PDE3B: variants seen among roughly 807,000 people sequenced by gnomAD.
PDE3B encodes the protein phosphodiesterase 3B.
A neutral mutation model predicts 116.8 loss-of-function variants in PDE3B; 66 were observed. The ratio of observed to expected loss-of-function variants is 0.56; its 90% confidence interval spans 0.46 to 0.69. PDE3B has a LOEUF of 0.69. Ranked by LOEUF, PDE3B falls within the 30% of genes least tolerant of loss-of-function variation. The pLI is 0.00. For missense variants in PDE3B, 1,384 were observed against 1,368.1 expected (o/e 1.01, Z -0.18); for synonymous variants, 595 against 533.6 (o/e 1.12, Z -1.59).
intron 1 of PDE3B, among the ~76,000 whole-genome samples, chr11:14,721,902 G>A (rs1341354962): frequency 7.3e-6 from 1 of 136,580 alleles, no homozygotes; most frequent in African/African-American, 2.8e-5. Context: ...ATGTGCACAT[G>A]TACCCTAAAA....
chr11:14,868,850 A>T (rs574954656), intron 15 of PDE3B, among the ~76,000 whole-genome samples: 1 of 151,502 alleles, frequency 6.6e-6, no homozygotes, highest in African/African-American at 2.4e-5. Flanking sequence ...ATACTCCCCC[A>T]TCTCTACTAA....
At position 14,832,812 on chromosome 11, in the gene PDE3B, A is replaced by T; in HGVS notation, c.2185A>T (p.Asn729Tyr). 1 of 1,485,770 alleles carries T rather than the reference A, an allele frequency of 6.7e-7. No homozygotes were observed. The highest frequency in any genetic ancestry group is 9.3e-7 in the Non-Finnish European group (1 of 1,076,486). The allele number at this position is 1,485,770 out of a possible 1,614,324, so 92.0% of individuals were successfully genotyped here. A position where few individuals can be genotyped will look rare whatever the true frequency, so the allele number is the denominator to read the frequency against. ...QFMNYFRALE[N>Y]GYRDIPYHNR... Reference sequence around the variant, plus strand: ...TATGAACTATTTTCGTGCATTAGAAAATGGCTATCGAGACATTCCTTGTAA... The same window carrying T: ...TATGAACTATTTTCGTGCATTAGAATATGGCTATCGAGACATTCCTTGTAA... The change falls in exon 10 of 16, where the codon AAT becomes TAT. Residue 729 changes from asparagine to tyrosine, a missense_variant. Physicochemically the swap from Asn to Tyr is moderately radical, Grantham distance 143 (BLOSUM62 -2). This residue lies in a region of PDE3B where 428 missense variants were observed against 561.4 expected (regional missense o/e 0.76). Transcript: ENST00000282096.
chr11:14,808,106 G>A (rs1313737172), intron 5 of PDE3B, among the ~76,000 whole-genome samples: 1 of 150,834 alleles, frequency 6.6e-6, no homozygotes, highest in African/African-American at 2.4e-5. Context: ...ATTGGTTGAT[G>A]TCCAAATTAT....
chr11:14,686,451 G>C (rs899112713), intron 1 of PDE3B, among the ~76,000 whole-genome samples: 74 of 152,266 alleles, frequency 4.9e-4, no homozygotes, highest in African/African-American at 1.6e-3. Context: ...GAATTAATTT[G>C]AGACTGTTGA....
intron 1 of PDE3B, among the ~76,000 whole-genome samples, chr11:14,761,735 T>G (rs188459919): frequency 9.4e-4 from 143 of 152,268 alleles, no homozygotes; most frequent in African/African-American, 3.2e-3. Context: ...CTTTGTTTGC[T>G]TAATTTTAAT....
Position 14,644,265 on chromosome 11 carries a change from G to T in PDE3B, c.190G>T (p.Ala64Ser). 6.4e-7 allele frequency: 1 copy of T among 1,568,806 alleles called. No individual in the cohort carries two copies. Residue 64 changes from alanine to serine, a missense_variant, in exon 1 of 16, where the codon GCC becomes TCC. This residue lies in a region of PDE3B where 956 missense variants were observed against 806.8 expected (regional missense o/e 1.18). Coordinates refer to ENST00000282096, the MANE Select transcript of PDE3B (RefSeq NM_000922.4). ...CAACGTGGAGCTGCGGCCGCCGCCGGCCTCTCCCCAGCAGCCGCGGCGCTG... is the reference window on the plus strand; with the variant it reads ...CAACGTGGAGCTGCGGCCGCCGCCGTCCTCTCCCCAGCAGCCGCGGCGCTG... ...FCNVELRPPP[A>S]SPQQPRRCSP...
At chr11:14,657,460 T>C (rs966805823) in intron 1 of PDE3B, among the ~76,000 whole-genome samples, 3 of 152,198 alleles carry the variant, frequency 2.0e-5, no homozygotes, top group South Asian at 2.1e-4. Flanking sequence ...ACCAGTTAGA[T>C]AGTAATCGTT....
chr11:14,817,614 G>A (rs1859375023), intron 5 of PDE3B, among the ~76,000 whole-genome samples: 4 of 152,048 alleles, frequency 2.6e-5, no homozygotes, highest in Non-Finnish European at 4.4e-5. Flanking sequence ...AGCTGGGCAC[G>A]GTGGCCTGTG....
intron 1 of PDE3B, among the ~76,000 whole-genome samples, chr11:14,701,413 C>T (rs1366737909): frequency 6.6e-6 from 1 of 151,484 alleles, no homozygotes; most frequent in Non-Finnish European, 1.5e-5. Context: ...AATTTTTATA[C>T]TTTTTAAATT....
intron 12 of PDE3B, among the ~76,000 whole-genome samples, chr11:14,849,364 G>A (rs1046593817): frequency 2.5e-4 from 37 of 145,630 alleles, no homozygotes; most frequent in African/African-American, 8.9e-4. Context: ...TTAAACGTTA[G>A]ACCTAAAACC....
At chr11:14,656,653 T>C (rs1219437783) in intron 1 of PDE3B, among the ~76,000 whole-genome samples, 1 of 152,200 alleles carries the variant, frequency 6.6e-6, no homozygotes, top group Non-Finnish European at 1.5e-5. Flanking sequence ...ACAGTACCTA[T>C]CTTATTGATG....
chr11:14,703,540 T>C (rs1855436314), intron 1 of PDE3B, among the ~76,000 whole-genome samples: 1 of 151,692 alleles, frequency 6.6e-6, no homozygotes, highest in African/African-American at 2.4e-5. Context: ...TTTAGGTGGC[T>C]ACTAGTTTAT....
intron 14 of PDE3B, among the ~76,000 whole-genome samples, chr11:14,864,212 CATTAA>C (rs1451104067): frequency 6.6e-6 from 1 of 152,086 alleles, no homozygotes; most frequent in Non-Finnish European, 1.5e-5. Context: ...CCAAGAAGGG[CATTAA>C]ATAATGGTAA....
At chr11:14,821,233 G>A (rs934522311) in intron 7 of PDE3B, among the ~76,000 whole-genome samples, 1 of 152,202 alleles carries the variant, frequency 6.6e-6, no homozygotes, top group African/African-American at 2.4e-5. Flanking sequence ...TTCCAAGAGA[G>A]TAGGAAGTGG....
chr11:14,852,430 C>T (rs1313772154), intron 12 of PDE3B, among the ~76,000 whole-genome samples: 2 of 152,126 alleles, frequency 1.3e-5, no homozygotes, highest in Non-Finnish European at 2.9e-5. Flanking sequence ...TGAGTGAATT[C>T]CAATGTTAAC....
At chr11:14,757,272 T>G (rs1157293184) in intron 1 of PDE3B, among the ~76,000 whole-genome samples, 2 of 150,106 alleles carry the variant, frequency 1.3e-5, no homozygotes, top group Non-Finnish European at 3.0e-5. Flanking sequence ...TACGTGTGCA[T>G]GTGTCTTTAT....
At chr11:14,696,348 A>G (rs1276710661) in intron 1 of PDE3B, among the ~76,000 whole-genome samples, 2 of 152,072 alleles carry the variant, frequency 1.3e-5, no homozygotes, top group African/African-American at 4.8e-5. Context: ...TAGGGTAGGT[A>G]TACGTTTAAC....
chr11:14,793,920 G>T (rs1374677210), intron 4 of PDE3B, among the ~76,000 whole-genome samples: 1 of 152,186 alleles, frequency 6.6e-6, no homozygotes, highest in African/African-American at 2.4e-5. Flanking sequence ...AGGGCTAATT[G>T]TGTCATCCTA....
chr11:14,667,383 A>G (rs1590046256), intron 1 of PDE3B, among the ~76,000 whole-genome samples: 1 of 151,724 alleles, frequency 6.6e-6, no homozygotes, highest in South Asian at 2.1e-4. Context: ...ATGTATACAC[A>G]TGTAACTAAC....
Sources: allele counts gnomAD v4.1 joint callset (sites outside exome capture counted in the v4.1 genomes callset), GRCh38; gene constraint gnomAD v4.1.1; regional missense constraint gnomAD v4.1.1; transcripts MANE v1.5; gene names NCBI Gene and HGNC (gene_info 2026-07-23, HGNC 2026-07-21).